The following PDCD11 variants were observed in gnomAD, a reference collection of about 807,000 sequenced individuals.
The protein encoded by PDCD11 is protein RRP5 homolog.
PDCD11 carries 97 observed loss-of-function variants against 198.9 expected under a neutral mutation model. The observed-to-expected ratio is 0.49, with a 90% confidence interval of 0.41 to 0.58. PDCD11 has a LOEUF of 0.58. Among genes scored for constraint, PDCD11 ranks in the 20% least tolerant of loss-of-function variants. The pLI is 0.00. For missense variants in PDCD11, 2,102 were observed against 2,312.7 expected, an observed-to-expected ratio of 0.91 and a Z score of 1.87; for synonymous variants, 893 against 918.0, an observed-to-expected ratio of 0.97 and a Z score of 0.49.
At chr10:103,416,447 C>A in intron 12 of PDCD11, 44 bp from the exon 13 acceptor site, 1 of 1,605,254 alleles carries the variant, frequency 6.2e-7, no homozygotes, top group South Asian at 1.1e-5. Flanking sequence ...CAGTGGCTCT[C>A]ATGATAACAG....
intron 22 of PDCD11, 107 bp downstream of exon 22, chr10:103,432,341 C>T: frequency 1.3e-6 from 1 of 780,694 alleles, no homozygotes; most frequent in Non-Finnish European, 2.2e-6. Context: ...TGAGTCTGTG[C>T]TACCATGCTG....
chr10:103,406,839 C>A, intron 7 of PDCD11, 49 bp downstream of exon 7: 1 of 1,436,902 alleles, frequency 7.0e-7, no homozygotes, highest in Non-Finnish European at 9.5e-7. Context: ...TAATTCTTTT[C>A]AAAATATTAA....
chr10:103,433,484 G>A (rs979615230), intron 22 of PDCD11, among the ~76,000 whole-genome samples: 10 of 152,192 alleles, frequency 6.6e-5, no homozygotes, highest in Middle Eastern at 6.8e-3. Flanking sequence ...GAGACAGAGC[G>A]AGACTCTGTC....
Position 103,405,585 on chromosome 10 carries a change from G to A in PDCD11, c.565-400G>A, listed in dbSNP as rs566611118. On this transcript the variant is annotated intron_variant, in intron 5 of 35. Transcript: ENST00000369797. ...TAATTTTTGTATTTTTAATAGAGAC[G>A]GGATTTCACCATGTTGGCCAGGCTG... Among the ~76,000 whole-genome samples the A allele has an allele frequency of 1.7e-4, 26 of 151,966 alleles. No homozygotes were observed. In the South Asian group the frequency reaches 2.7e-3, roughly 16 times the overall value.
Position 103,427,368 on chromosome 10 carries a change from C to T in PDCD11, c.3345C>T (p.Ile1115=). The change falls in exon 21 of 36, where the codon ATC becomes ATT. Residue 1115 remains isoleucine, a synonymous_variant. Coordinates refer to ENST00000369797, the MANE Select transcript of PDCD11 (RefSeq NM_014976.2). ...PISHPRFVRT[I]PELSVRPSEL... ...GTCACCCCAGATTCGTTCGAACCAT[C>T]CCGGAGCTGAGTGTTCGGCCAAGGT... is the stretch of plus-strand genomic sequence containing the variant. 2 of 1,612,546 alleles carry T rather than the reference C, an allele frequency of 1.2e-6. No homozygotes were observed. The highest frequency in any genetic ancestry group is 1.7e-6 in the Non-Finnish European group (2 of 1,179,264).
rs560329354 is a variant in PDCD11, at chr10:103,413,651, C to T, written c.1186-315C>T. ...TGTGGTCTCTGTCCTAATTGTTCAA[C>T]GCTGCTGTTATGGCATGAAAGCAGC... On this transcript the variant is annotated intron_variant, in intron 9 of 35. Coordinates refer to ENST00000369797, the MANE Select transcript of PDCD11 (RefSeq NM_014976.2). 3.3e-5 allele frequency among the ~76,000 whole-genome samples: 5 copies of T among 152,252 alleles called. No individual in the cohort carries two copies. In the East Asian group the frequency reaches 7.7e-4, roughly 23 times the overall value.
At chr10:103,397,174 G>A (rs2093440674) in intron 1 of PDCD11, among the ~76,000 whole-genome samples, 1 of 148,840 alleles carries the variant, frequency 6.7e-6, no homozygotes, top group African/African-American at 2.5e-5. Flanking sequence ...ACCCAGTTCT[G>A]GTTCTCATGG....
Position 103,441,902 on chromosome 10 carries a change from C to T in PDCD11, c.4634C>T (p.Ser1545Phe), listed in dbSNP as rs1483740559. The part of the protein sequence containing the change: ...SGFAWNVGLD[S>F]LTPALPPLAE... ...TTCGCTTGGAATGTGGGACTAGACTCTCTGACCCCGGCCTTGCCACCTCTA... is the reference window on the plus strand; with the variant it reads ...TTCGCTTGGAATGTGGGACTAGACTTTCTGACCCCGGCCTTGCCACCTCTA... Residue 1545 changes from serine (S) to phenylalanine (F), a missense_variant, in exon 31 of 36, where the codon TCT becomes TTT. Transcript: ENST00000369797. 3 of 1,614,106 alleles carry T rather than the reference C, an allele frequency of 1.9e-6. No individual in the cohort carries two copies. Among genetic ancestry groups the T allele is most frequent in the Non-Finnish European group, 2.5e-6 (3 of 1,180,036 alleles).
At chr10:103,433,434 T>C (rs2032019034) in intron 22 of PDCD11, among the ~76,000 whole-genome samples, 1 of 151,962 alleles carries the variant, frequency 6.6e-6, no homozygotes, top group African/African-American at 2.4e-5. Context: ...GAGGTGGAGA[T>C]TGCAGTGAGC....
At chr10:103,438,174 T>C (rs993375579) in intron 26 of PDCD11, 103 bp downstream of exon 26, 29 of 863,298 alleles carry the variant, frequency 3.4e-5, no homozygotes, top group Non-Finnish European at 4.3e-5. Context: ...CCACCTTCTC[T>C]GCTCATCACT....
chr10:103,398,485 A>G lies in PDCD11; in HGVS notation c.59A>G (p.Glu20Gly), dbSNP rs1719457401. 6.2e-7 allele frequency: 1 copy of G among 1,614,066 alleles called. No individual in the cohort carries two copies. Among genetic ancestry groups the G allele is most frequent in the African/African-American group, 1.3e-5 (1 of 74,946 alleles). ...RGGTRKIHKP[E>G]KAFQQSVEQD... ...GGTACAAGAAAGATCCACAAACCAGAGAAAGCTTTCCAGCAGTCAGTTGAA... is the reference window on the plus strand; with the variant it reads ...GGTACAAGAAAGATCCACAAACCAGGGAAAGCTTTCCAGCAGTCAGTTGAA... Residue 20 changes from glutamate (E) to glycine (G), a missense_variant, in exon 2 of 36, where the codon GAG becomes GGG. Glu to Gly is a moderately conservative substitution (Grantham distance 98). Transcript: ENST00000369797.
intron 4 of PDCD11, 138 bp downstream of exon 4, chr10:103,403,423 G>C (rs1178302506): frequency 1.3e-6 from 1 of 744,310 alleles, no homozygotes; most frequent in Non-Finnish European, 2.2e-6. Context: ...TTTTGACTAA[G>C]TCTGGGAGCC....
At chr10:103,436,724 G>A (rs1212858034) in intron 25 of PDCD11, among the ~76,000 whole-genome samples, 1 of 152,184 alleles carries the variant, frequency 6.6e-6, no homozygotes, top group African/African-American at 2.4e-5. Context: ...CCAAACCTAC[G>A]ATAAATTACT....
intron 21 of PDCD11, among the ~76,000 whole-genome samples, chr10:103,430,191 C>T (rs1427622723): frequency 1.3e-5 from 2 of 152,102 alleles, no homozygotes; most frequent in African/African-American, 2.4e-5. Context: ...CTGGGTTTTG[C>T]CTTGTTGCCC....
intron 3 of PDCD11, among the ~76,000 whole-genome samples, chr10:103,402,432 A>T (rs1363682377): frequency 6.6e-6 from 1 of 151,878 alleles, no homozygotes; most frequent in Non-Finnish European, 1.5e-5. Context: ...TTTATTTTTT[A>T]TTTATTTTTA....
intron 22 of PDCD11, among the ~76,000 whole-genome samples, chr10:103,432,739 G>T (rs1191855624): frequency 6.6e-6 from 1 of 152,142 alleles, no homozygotes; most frequent in African/African-American, 2.4e-5. Flanking sequence ...ATTCCTCTTC[G>T]ATGAGCATCT....
At chr10:103,422,619 G>T (rs187920204) in intron 17 of PDCD11, among the ~76,000 whole-genome samples, 1 of 152,138 alleles carries the variant, frequency 6.6e-6, no homozygotes, top group East Asian at 1.9e-4. Context: ...TTTGTGAGGG[G>T]TTATTATTCT....
At chr10:103,442,620 T>C (rs1049019344) in intron 32 of PDCD11, among the ~76,000 whole-genome samples, 160 bp downstream of exon 32, 18 of 152,156 alleles carry the variant, frequency 1.2e-4, no homozygotes, top group African/African-American at 3.9e-4. Context: ...GCTGCGGCCA[T>C]CTGTGAAATA....
In PDCD11 at chr10:103,413,969, A is replaced by G. The variant is rs753444652; in HGVS notation, c.1189A>G (p.Ser397Gly). ...KDGVLAYARLSHLSDSKNVFN... is the reference protein window; with the variant it reads ...KDGVLAYARLGHLSDSKNVFN... ...TCAATCACTTGGTACTTTGCAGCTC[A>G]GCCATCTCTCTGATTCTAAGAACGT... Residue 397 changes from serine to glycine, a missense_variant, in exon 10 of 36, where the codon AGC becomes GGC. Coordinates refer to ENST00000369797, the MANE Select transcript of PDCD11 (RefSeq NM_014976.2). 6.2e-7 allele frequency: 1 copy of G among 1,610,330 alleles called. No individual in the cohort carries two copies. Among genetic ancestry groups the G allele is most frequent in the African/African-American group, 1.3e-5 (1 of 74,802 alleles).
Sources: allele counts gnomAD v4.1 joint callset (sites outside exome capture counted in the v4.1 genomes callset), GRCh38; gene constraint gnomAD v4.1.1; transcripts MANE v1.5; gene names NCBI Gene and HGNC (gene_info 2026-07-23, HGNC 2026-07-21).